The following ATOSA variants were observed in gnomAD, a reference collection of about 807,000 sequenced individuals.
ATOSA encodes the protein atos homolog A.
chr15:52,582,115 CTT>C, the ATOSA span: 1 of 1,488,586 alleles, frequency 6.7e-7, no homozygotes, highest in African/African-American at 1.5e-5. Context: ...TACTTGCAAA[CTT>C]GGGTACTGAG....
chr15:52,692,079 A>T, the ATOSA span, among the ~76,000 whole-genome samples: 2 of 152,152 alleles, frequency 1.3e-5, no homozygotes, highest in South Asian at 4.1e-4. Context: ...GTAGTCCTCC[A>T]TCCCCCCAAA....
the ATOSA span, among the ~76,000 whole-genome samples, chr15:52,625,809 G>T: frequency 6.6e-6 from 1 of 152,172 alleles, no homozygotes; most frequent in Non-Finnish European, 1.5e-5. Context: ...CCATCAACCT[G>T]AGTTGTGAAT....
the ATOSA span, among the ~76,000 whole-genome samples, chr15:52,622,718 G>A: frequency 2.1e-3 from 315 of 152,156 alleles, 9 homozygotes; most frequent in Admixed American, 0.018. Flanking sequence ...CAAAAATTAG[G>A]GGAAAGAGCA....
At chr15:52,663,874 C>A in the ATOSA span, among the ~76,000 whole-genome samples, 1 of 152,086 alleles carries the variant, frequency 6.6e-6, no homozygotes, top group Non-Finnish European at 1.5e-5. Context: ...AATCTTCCCA[C>A]CTCGGTAATC....
chr15:52,594,435 T>G, the ATOSA span, among the ~76,000 whole-genome samples: 1 of 152,214 alleles, frequency 6.6e-6, no homozygotes, highest in Non-Finnish European at 1.5e-5. Context: ...AAGCTTTATT[T>G]TATATAAATA....
chr15:52,685,237 C>T, the ATOSA span, among the ~76,000 whole-genome samples: 1 of 152,092 alleles, frequency 6.6e-6, no homozygotes, highest in Non-Finnish European at 1.5e-5. Flanking sequence ...GCTGCTTGCC[C>T]TAATCTTTTC....
the ATOSA span, among the ~76,000 whole-genome samples, chr15:52,685,002 A>AG: frequency 6.6e-6 from 1 of 152,248 alleles, no homozygotes; most frequent in Admixed American, 6.5e-5. Context: ...AAAAATATTG[A>AG]TCACATGTTG....
chr15:52,615,867 G>T, the ATOSA span, among the ~76,000 whole-genome samples: 1 of 152,204 alleles, frequency 6.6e-6, no homozygotes, highest in Non-Finnish European at 1.5e-5. Flanking sequence ...AACAGCTCTA[G>T]AAGGTGAGGA....
At chr15:52,637,482 C>T in the ATOSA span, among the ~76,000 whole-genome samples, 1 of 152,114 alleles carries the variant, frequency 6.6e-6, no homozygotes, top group Admixed American at 6.5e-5. Flanking sequence ...ATCACCCAAG[C>T]CAAAAACGTA....
chr15:52,587,125 G>A, the ATOSA span: 4 of 1,612,468 alleles, frequency 2.5e-6, no homozygotes, highest in Non-Finnish European at 2.5e-6. Context: ...AATGATTATT[G>A]CAATTGTAGG....
At chr15:52,679,802 C>T in the ATOSA span, among the ~76,000 whole-genome samples, 33 of 110,298 alleles carry the variant, frequency 3.0e-4, no homozygotes, top group African/African-American at 1.2e-3. Context: ...CTCCCCCCTC[C>T]CCCTCCTTCC....
At chr15:52,645,946 A>C in the ATOSA span, among the ~76,000 whole-genome samples, 1 of 152,214 alleles carries the variant, frequency 6.6e-6, no homozygotes, top group Admixed American at 6.5e-5. Context: ...GCAACAATCC[A>C]CTATCCCAGT....
the ATOSA span, chr15:52,608,846 A>G: frequency 2.5e-6 from 4 of 1,608,552 alleles, no homozygotes; most frequent in Non-Finnish European, 3.4e-6. Context: ...GACATTTCCA[A>G]CACAGTAACT....
chr15:52,598,524 C>A, the ATOSA span: 1 of 152,094 alleles, frequency 6.6e-6, no homozygotes, highest in Non-Finnish European at 1.5e-5. Context: ...AAGTCTAACC[C>A]CATCTTTTAT....
the ATOSA span, chr15:52,657,454 T>C: frequency 6.6e-6 from 1 of 152,344 alleles, no homozygotes; most frequent in African/African-American, 2.4e-5. Context: ...TTCCAAGTGA[T>C]ATGACTAAAC....
chr15:52,668,430 T>C, the ATOSA span, among the ~76,000 whole-genome samples: 2 of 151,934 alleles, frequency 1.3e-5, no homozygotes, highest in Non-Finnish European at 2.9e-5. Context: ...TAGGAAGAGG[T>C]TGATCAACAG....
chr15:52,655,269 C>G, the ATOSA span, among the ~76,000 whole-genome samples: 6 of 152,196 alleles, frequency 3.9e-5, no homozygotes, highest in Non-Finnish European at 7.4e-5. Context: ...AAGCATTTCC[C>G]ATGTATTAGT....
At chr15:52,608,773 CAT>C in the ATOSA span, 6 of 1,607,166 alleles carry the variant, frequency 3.7e-6, no homozygotes, top group South Asian at 1.1e-5. Flanking sequence ...ATTTTGCTCA[CAT>C]GTCTTAGGCC....
chr15:52,677,283 A>G, the ATOSA span, among the ~76,000 whole-genome samples: 1 of 152,210 alleles, frequency 6.6e-6, no homozygotes, highest in Non-Finnish European at 1.5e-5. Context: ...AATCAAACTC[A>G]TATCTGACTG....
Sources: allele counts gnomAD v4.1 joint callset (sites outside exome capture counted in the v4.1 genomes callset), GRCh38; gene constraint gnomAD v4.1.1; transcripts MANE v1.5; gene names NCBI Gene and HGNC (gene_info 2026-07-23, HGNC 2026-07-21).